MSI2: variants seen among roughly 807,000 people sequenced by gnomAD.
The protein encoded by MSI2 is RNA-binding protein Musashi homolog 2.
A neutral mutation model predicts 45.6 loss-of-function variants in MSI2; 17 were observed. The observed-to-expected ratio is 0.37, with a 90% CI of 0.26 to 0.56. MSI2 has a LOEUF of 0.56. Ranked by LOEUF, MSI2 falls within the 20% of genes least tolerant of loss-of-function variation. The probability of loss-of-function intolerance (pLI) is 0.77; values close to 1 mark genes in which losing one functional copy is unlikely to be tolerated. For synonymous variants in MSI2, 156 were observed against 158.2 expected, an observed-to-expected ratio of 0.99 and a Z score of 0.11; for missense variants, 293 against 444.2, an observed-to-expected ratio of 0.66 and a Z score of 3.06.
intron 6 of MSI2, among the ~76,000 whole-genome samples, chr17:57,401,694 C>T (rs1008215065): frequency 2.6e-5 from 4 of 152,164 alleles, no homozygotes; most frequent in African/African-American, 9.7e-5. Context: ...GACAGAGTGG[C>T]CTTTTAGTGC....
chr17:57,392,530 C>T (rs1159549752), intron 5 of MSI2, among the ~76,000 whole-genome samples: 3 of 152,086 alleles, frequency 2.0e-5, no homozygotes, highest in African/African-American at 7.2e-5. Flanking sequence ...TTTTTTCCTT[C>T]CAATTTTAAA....
At chr17:57,517,759 C>T (rs1214878431) in intron 6 of MSI2, among the ~76,000 whole-genome samples, 1 of 152,138 alleles carries the variant, frequency 6.6e-6, no homozygotes, top group Admixed American at 6.5e-5. Context: ...AAACCTGCAG[C>T]TACTCCGTGA....
chr17:57,651,784 C>T (rs781027003), intron 10 of MSI2, among the ~76,000 whole-genome samples: 9 of 152,208 alleles, frequency 5.9e-5, no homozygotes, highest in South Asian at 2.1e-4. Context: ...TGTCGATGCA[C>T]GGCCAACAGG....
chr17:57,611,008 G>A (rs1380659050), intron 8 of MSI2, among the ~76,000 whole-genome samples: 1 of 95,212 alleles, frequency 1.1e-5, no homozygotes, highest in Admixed American at 1.1e-4. Flanking sequence ...TGGTCCTTCT[G>A]GTATAAGCAG....
At chr17:57,635,526 A>G (rs1444410525) in intron 10 of MSI2, among the ~76,000 whole-genome samples, 1 of 152,278 alleles carries the variant, frequency 6.6e-6, no homozygotes, top group African/African-American at 2.4e-5. Context: ...CTCTGGGCCA[A>G]TATTTTGGCA....
the MSI2 span, among the ~76,000 whole-genome samples, chr17:57,692,806 T>G: frequency 1.3e-5 from 2 of 152,160 alleles, no homozygotes; most frequent in African/African-American, 4.8e-5. Flanking sequence ...CTAAATCTAC[T>G]GTTGTTTTTT....
the MSI2 span, among the ~76,000 whole-genome samples, chr17:57,699,276 G>GGGGAGA: frequency 2.2e-5 from 3 of 135,818 alleles, no homozygotes; most frequent in African/African-American, 8.7e-5. Context: ...GAAGAGCCAG[G>GGGGAGA]GAGAGAGAGA....
intron 7 of MSI2, among the ~76,000 whole-genome samples, chr17:57,578,074 C>T (rs1012472154): frequency 6.6e-6 from 1 of 152,202 alleles, no homozygotes; most frequent in Non-Finnish European, 1.5e-5. Flanking sequence ...ATCTGTCTGC[C>T]GCTGAGCTGT....
intron 10 of MSI2, among the ~76,000 whole-genome samples, chr17:57,651,518 TG>T (rs1169931636): frequency 6.6e-6 from 1 of 152,240 alleles, no homozygotes; most frequent in African/African-American, 2.4e-5. Flanking sequence ...CCCTCGGGCC[TG>T]GGGCTGTGAT....
rs554527138 is a variant in MSI2 at position 57,577,932 on chromosome 17, C to G, written c.455-18936C>G. On this transcript the variant is annotated intron_variant, in intron 7 of 13. Transcript: ENST00000284073. ...TGATAATAACATCTCTTTCCTCCCC[C>G]ACACCACCCGCAAGCAAAGCTTTGG... 1.2e-4 allele frequency among the ~76,000 whole-genome samples: 19 copies of G among 152,272 alleles called. No individual in the cohort carries two copies. In the East Asian group the frequency reaches 2.5e-3, roughly 20 times the overall value.
chr17:57,676,890 C>A, intron 12 of MSI2, 97 bp from the exon 13 acceptor site: 1 of 841,364 alleles, frequency 1.2e-6, no homozygotes, highest in Non-Finnish European at 2.1e-6. Context: ...TGCTGGCAAC[C>A]ACAGAACTAG....
chr17:57,600,123 G>C (rs891649233), intron 8 of MSI2, among the ~76,000 whole-genome samples: 1 of 152,206 alleles, frequency 6.6e-6, no homozygotes, highest in Non-Finnish European at 1.5e-5. Context: ...AGTTTAAACT[G>C]GGCTATGGAC....
chr17:57,571,081 T>C (rs1475239976), intron 7 of MSI2, among the ~76,000 whole-genome samples: 1 of 152,118 alleles, frequency 6.6e-6, no homozygotes, highest in Non-Finnish European at 1.5e-5. Context: ...ATGTATTGGG[T>C]CCAGTGAAGA....
intron 6 of MSI2, among the ~76,000 whole-genome samples, chr17:57,461,431 G>A (rs1304849912): frequency 6.6e-6 from 1 of 152,152 alleles, no homozygotes; most frequent in African/African-American, 2.4e-5. Flanking sequence ...AGAGGGGCTT[G>A]GAATGAAGGG....
In MSI2 at chr17:57,665,277, T is replaced by A. The variant is rs561298762; in HGVS notation, c.791-9695T>A. ...GGCTGAGATTAAGGGCATGTACCAG[T>A]AGAACTAGCAGCCTGCAGCAACTGT... On this transcript the variant is annotated intron_variant, in intron 11 of 13. Coordinates refer to ENST00000284073, the MANE Select transcript of MSI2 (RefSeq NM_138962.4). 2.4e-4 allele frequency among the ~76,000 whole-genome samples: 36 copies of A among 152,296 alleles called. No homozygotes were observed. The South Asian group carries it at 4.6e-3, about 19-fold the overall frequency.
chr17:57,298,988 A>G (rs1001160611), intron 5 of MSI2, among the ~76,000 whole-genome samples: 4 of 152,254 alleles, frequency 2.6e-5, no homozygotes, highest in African/African-American at 9.6e-5. Flanking sequence ...GATCTTCTGG[A>G]TAACTTGCTG....
chr17:57,608,610 C>A (rs1241790285), intron 8 of MSI2, among the ~76,000 whole-genome samples: 4 of 152,278 alleles, frequency 2.6e-5, no homozygotes, highest in Non-Finnish European at 5.9e-5. Flanking sequence ...AGAGGCCCCC[C>A]ACGCTGGTCT....
At chr17:57,557,381 G>T (rs1477696023) in intron 7 of MSI2, among the ~76,000 whole-genome samples, 1 of 152,238 alleles carries the variant, frequency 6.6e-6, no homozygotes, top group Non-Finnish European at 1.5e-5. Flanking sequence ...AAGACATCAT[G>T]ATGGAGTCTT....
chr17:57,516,900 C>T (rs1213986201), intron 6 of MSI2, among the ~76,000 whole-genome samples: 1 of 152,200 alleles, frequency 6.6e-6, no homozygotes, highest in Non-Finnish European at 1.5e-5. Flanking sequence ...GAATTGCTTA[C>T]AGCCAGTTTG....
Sources: allele counts gnomAD v4.1 joint callset (sites outside exome capture counted in the v4.1 genomes callset), GRCh38; gene constraint gnomAD v4.1.1; transcripts MANE v1.5; gene names NCBI Gene and HGNC (gene_info 2026-07-23, HGNC 2026-07-21).